Variants in SLCO2A1 observed in about 807,000 individuals in gnomAD.
The protein encoded by SLCO2A1 is solute carrier organic anion transporter family member 2A1.
SLCO2A1 carries 60 observed loss-of-function variants against 71.7 expected under a neutral mutation model. The observed-to-expected ratio is 0.84, with a 90% CI of 0.68 to 1.04. SLCO2A1 has a LOEUF of 1.04. Ranked by LOEUF, SLCO2A1 falls within the 50% of genes least tolerant of loss-of-function variation. The probability of loss-of-function intolerance (pLI) is 0.00; values close to 1 mark genes in which losing one functional copy is unlikely to be tolerated. For synonymous variants in SLCO2A1, 308 were observed against 326.7 expected (o/e 0.94, Z 0.62); for missense variants, 745 against 813.4 (o/e 0.92, Z 1.02).
chr3:133,934,610 T>A lies in SLCO2A1; in HGVS notation c.*103A>T. ...GAGGACTGGGGTTTTCTTTCTTGTT[T>A]AAAAATACAAAAAGGAAATGACGTG... On this transcript the variant is annotated 3_prime_UTR_variant, in exon 14 of 14. Transcript: ENST00000310926. 1 of 867,650 alleles carries A rather than the reference T, an allele frequency of 1.2e-6. No individual in the cohort carries two copies. The highest frequency in any genetic ancestry group is 1.8e-6 in the Non-Finnish European group (1 of 544,392). The allele number at this position is 867,650 out of a possible 1,614,324, so 53.7% of individuals were successfully genotyped here. A position where few individuals can be genotyped will look rare whatever the true frequency, so the allele number is the denominator to read the frequency against.
chr3:133,984,483 G>T (rs1184818072), intron 1 of SLCO2A1, among the ~76,000 whole-genome samples: 3 of 152,212 alleles, frequency 2.0e-5, no homozygotes, highest in African/African-American at 7.2e-5. Context: ...AGGGAGAAAA[G>T]GCAGGGAAAA....
At position 133,973,720 on chromosome 3, in the gene SLCO2A1, T is replaced by C. The variant is rs1033787170; in HGVS notation, c.340A>G (p.Ile114Val). The part of the protein sequence containing the change: ...GGLFLAAGAF[I>V]LTLPHFLSEP... Reference sequence around the variant, plus strand: ...GAGAGGAAGTGTGGGAGGGTGAGGATGAAGGCACCTGCAGCCAGGAAGAGA... The same window carrying C: ...GAGAGGAAGTGTGGGAGGGTGAGGACGAAGGCACCTGCAGCCAGGAAGAGA... Residue 114 changes from isoleucine to valine, a missense_variant, in exon 3 of 14, where the codon ATC becomes GTC. Coordinates refer to ENST00000310926, the MANE Select transcript of SLCO2A1 (RefSeq NM_005630.3). The C allele has an allele frequency of 1.2e-6, 2 of 1,613,988 alleles. No homozygotes were observed. Among genetic ancestry groups the C allele is most frequent in the Non-Finnish European group, 1.7e-6 (2 of 1,179,994 alleles).
intron 12 of SLCO2A1, 123 bp from the exon 13 acceptor site, chr3:133,936,020 G>A (rs868428951): frequency 1.0e-6 from 1 of 999,648 alleles, no homozygotes. Flanking sequence ...CGTACCCATA[G>A]GACTCACAGT....
chr3:133,976,618 C>T (rs1025890505), intron 2 of SLCO2A1, among the ~76,000 whole-genome samples: 10 of 151,386 alleles, frequency 6.6e-5, no homozygotes, highest in Admixed American at 1.3e-4. Context: ...GCAGCTGTTC[C>T]GGCTGAGAAG....
At chr3:133,986,491 C>T (rs980610240) in intron 1 of SLCO2A1, among the ~76,000 whole-genome samples, 7 of 152,128 alleles carry the variant, frequency 4.6e-5, no homozygotes, top group South Asian at 2.1e-4. Flanking sequence ...CCACAGAGGA[C>T]GAGCAACATT....
chr3:133,983,981 G>A (rs1381916018), intron 1 of SLCO2A1, among the ~76,000 whole-genome samples: 2 of 152,218 alleles, frequency 1.3e-5, no homozygotes, highest in African/African-American at 4.8e-5. Flanking sequence ...AGGCATGCAT[G>A]CATGGAAACG....
Position 133,935,754 on chromosome 3 carries a change from C to G in SLCO2A1, c.1814+20G>C. ...GCCCAGGGCCTGGCTCTGGGACACA[C>G]ATACATGATGGGCCCTCACCTGTCT... On this transcript the variant is annotated intron_variant, in intron 13 of 13. Coordinates refer to ENST00000310926, the MANE Select transcript of SLCO2A1 (RefSeq NM_005630.3). 1 of 1,575,250 alleles carries G rather than the reference C, an allele frequency of 6.3e-7. No homozygotes were observed. The highest frequency in any genetic ancestry group is 8.6e-7 in the Non-Finnish European group (1 of 1,157,606).
At chr3:133,995,162 C>CCACCTA (rs1934939631) in intron 1 of SLCO2A1, among the ~76,000 whole-genome samples, 1 of 151,710 alleles carries the variant, frequency 6.6e-6, no homozygotes, top group African/African-American at 2.4e-5. Context: ...CCACACACCT[C>CCACCTA]CAGGGGAGCC....
intron 1 of SLCO2A1, among the ~76,000 whole-genome samples, chr3:133,989,541 T>C (rs1162878220): frequency 6.6e-6 from 1 of 152,208 alleles, no homozygotes; most frequent in African/African-American, 2.4e-5. Context: ...AACCCACCTA[T>C]GGAATTAAAA....
intron 3 of SLCO2A1, among the ~76,000 whole-genome samples, chr3:133,960,121 A>AAAATAAATAAAT (rs59630146): frequency 2.3e-4 from 35 of 149,204 alleles, no homozygotes; most frequent in South Asian, 8.6e-4. Context: ...CTCCGTCTCA[A>AAAATAAATAAAT]AAATAAATAA....
At chr3:133,976,769 G>A (rs1050615495) in intron 2 of SLCO2A1, among the ~76,000 whole-genome samples, 6 of 152,118 alleles carry the variant, frequency 3.9e-5, no homozygotes, top group South Asian at 2.1e-4. Context: ...CCAAAGGGCC[G>A]CAGGGACAAC....
intron 13 of SLCO2A1, 100 bp from the exon 14 acceptor site, chr3:133,934,930 C>A: frequency 1.1e-6 from 1 of 928,056 alleles, no homozygotes; most frequent in South Asian, 1.5e-5. Context: ...CCCACGCTGG[C>A]CCGCGGAAGG....
chr3:134,026,324 G>A (rs1360679792), intron 1 of SLCO2A1, among the ~76,000 whole-genome samples: 1 of 151,272 alleles, frequency 6.6e-6, no homozygotes. Context: ...GAGTCCCACC[G>A]GGACTAGACA....
chr3:133,988,800 C>G (rs145497983), intron 1 of SLCO2A1, among the ~76,000 whole-genome samples: 45 of 152,308 alleles, frequency 3.0e-4, no homozygotes, highest in African/African-American at 1.1e-3. Flanking sequence ...CTAGGCCGAG[C>G]TGACTGCATA....
Position 133,953,730 on chromosome 3 carries a change from C to T in SLCO2A1, c.657G>A (p.Pro219=), listed in dbSNP as rs149443780. The change falls in exon 5 of 14, where the codon CCG becomes CCA. Residue 219 remains proline, a synonymous_variant. Coordinates refer to ENST00000310926, the MANE Select transcript of SLCO2A1 (RefSeq NM_005630.3). ...SILFAISVFG[P]AFGYLLGSVM... ...CAGAGCCCAGCAGGTACCCGAAAGC[C>T]GGTCCAAATACAGAGATGGCAAATA... 2.1e-4 allele frequency: 341 copies of T among 1,614,058 alleles called. 3 individuals carry two copies. The East Asian group carries it at 6.4e-3, about 30-fold the overall frequency.
chr3:134,023,647 C>T (rs1935641259), intron 1 of SLCO2A1, among the ~76,000 whole-genome samples: 1 of 152,212 alleles, frequency 6.6e-6, no homozygotes, highest in South Asian at 2.1e-4. Flanking sequence ...ATCATACATT[C>T]ATTTTACTAG....
chr3:133,954,528 G>T (rs992318591), intron 4 of SLCO2A1, among the ~76,000 whole-genome samples: 5 of 152,176 alleles, frequency 3.3e-5, no homozygotes, highest in African/African-American at 4.8e-5. Flanking sequence ...GCTTTGCATG[G>T]GCTTCTTTGA....
rs989288330 is a variant in SLCO2A1 at position 133,986,718 on chromosome 3, T to C, written c.97-7100A>G. Reference sequence around the variant, plus strand: ...AAAAGCTACTGAGATGCAAGGTAAATTTGGGGGTGTGGGGGACTTGGCCCA... The same window carrying C: ...AAAAGCTACTGAGATGCAAGGTAAACTTGGGGGTGTGGGGGACTTGGCCCA... On this transcript the variant is annotated intron_variant, in intron 1 of 13. Coordinates refer to ENST00000310926, the MANE Select transcript of SLCO2A1 (RefSeq NM_005630.3). Among the ~76,000 whole-genome samples the C allele has an allele frequency of 3.6e-4, 55 of 152,142 alleles. 1 individual carries two copies. The highest frequency in any genetic ancestry group is 1.3e-3 in the African/African-American group (52 of 41,430).
intron 3 of SLCO2A1, among the ~76,000 whole-genome samples, chr3:133,969,543 T>G (rs1402850716): frequency 6.6e-6 from 1 of 151,428 alleles, no homozygotes; most frequent in African/African-American, 2.4e-5. Flanking sequence ...TGTGCCATAA[T>G]GCCCGGCTAA....
Sources: gnomAD v4.1 joint callset for allele counts (sites outside exome capture counted in the v4.1 genomes callset) on GRCh38, gnomAD v4.1.1 for gene constraint, MANE v1.5 for transcripts, NCBI Gene and HGNC (gene_info 2026-07-23, HGNC 2026-07-21) for gene names.